The following RHEX variants were observed in gnomAD, a reference collection of about 807,000 sequenced individuals.
RHEX encodes the protein regulator of hemoglobinization and erythroid cell expansion.
A neutral mutation model predicts 20.1 loss-of-function variants in RHEX; 18 were observed. The observed-to-expected ratio is 0.90, with a 90% CI of 0.62 to 1.33. RHEX has a LOEUF of 1.33. RHEX is among the 40% of genes most tolerant of loss of function. The pLI is 0.00. For missense variants in RHEX, 192 were observed against 214.3 expected (o/e 0.90, Z 0.65); for synonymous variants, 87 against 77.1 (o/e 1.13, Z -0.67).
intron 1 of RHEX, among the ~76,000 whole-genome samples, chr1:206,072,950 G>A (rs187350152): frequency 1.4e-5 from 2 of 147,222 alleles, no homozygotes; most frequent in East Asian, 2.1e-4. Context: ...CCCTCACCCC[G>A]CCTCAACCCC....
chr1:206,065,874 G>A (rs567992320), intron 1 of RHEX, among the ~76,000 whole-genome samples: 1 of 152,352 alleles, frequency 6.6e-6, no homozygotes, highest in South Asian at 2.1e-4. Flanking sequence ...AGAAGGCAGT[G>A]GGAACCCAAT....
At chr1:206,056,494 TTTTATGG>T (rs2087619780) in intron 1 of RHEX, 1 of 152,300 alleles carries the variant, frequency 6.6e-6, no homozygotes. Context: ...ATTCCTATTA[TTTTATGG>T]TTATTATAAG....
chr1:206,075,347 A>G (rs1373928486), intron 1 of RHEX, among the ~76,000 whole-genome samples: 2 of 152,240 alleles, frequency 1.3e-5, no homozygotes, highest in African/African-American at 2.4e-5. Flanking sequence ...CATGTATGAA[A>G]AGAGTGGATC....
At position 206,094,169 on chromosome 1, in the gene RHEX, G is replaced by GGTGTGTGTGTGT. The variant is rs66885504; in HGVS notation, c.-96-3545_-96-3534dup. Among the ~76,000 whole-genome samples, 101 of 148,680 alleles carry GGTGTGTGTGTGT rather than the reference G, an allele frequency of 6.8e-4. 1 individual carries two copies. Among genetic ancestry groups the GGTGTGTGTGTGT allele is most frequent in the East Asian group, 5.0e-3 (25 of 5,024 alleles). Reference sequence around the variant, plus strand: ...TAAATTGCCCATTTCCTGGTTATTTGGTGTGTGTGTGTGTGTGTGTGTGTG... The same window carrying GGTGTGTGTGTGT: ...TAAATTGCCCATTTCCTGGTTATTTGGTGTGTGTGTGTGTGTGTGTGTGTGTGTGTGTGTGTG... On this transcript the variant is annotated intron_variant, in intron 1 of 5. Coordinates refer to ENST00000331555, the MANE Select transcript of RHEX (RefSeq NM_001007544.4).
In RHEX at chr1:206,057,319, C is replaced by T. The variant is rs547400453; in HGVS notation, c.-97+4054C>T. 2.6e-5 allele frequency among the ~76,000 whole-genome samples: 4 copies of T among 152,338 alleles called. No individual in the cohort carries two copies. The East Asian group carries it at 7.7e-4, about 29-fold the overall frequency. On this transcript the variant is annotated intron_variant, in intron 1 of 5. Coordinates refer to ENST00000331555, the MANE Select transcript of RHEX (RefSeq NM_001007544.4). ...CTATAGACCCGGTTCCTGATGAATTCCCAGCCCAAAAGAACCACCCTGACA... is the reference window on the plus strand; with the variant it reads ...CTATAGACCCGGTTCCTGATGAATTTCCAGCCCAAAAGAACCACCCTGACA...
chr1:206,066,408 G>C (rs868971128), intron 1 of RHEX, among the ~76,000 whole-genome samples: 3 of 152,232 alleles, frequency 2.0e-5, no homozygotes, highest in Admixed American at 6.5e-5. Flanking sequence ...CTTGAGGCCA[G>C]GAGTTTGAGA....
At chr1:206,064,867 G>T (rs1360032052) in intron 1 of RHEX, among the ~76,000 whole-genome samples, 9 of 151,626 alleles carry the variant, frequency 5.9e-5, no homozygotes, top group Non-Finnish European at 1.2e-4. Flanking sequence ...TTGAGAAATC[G>T]GATGGTTGCC....
intron 1 of RHEX, among the ~76,000 whole-genome samples, chr1:206,096,777 T>G (rs1426667152): frequency 5.1e-5 from 7 of 137,688 alleles, no homozygotes; most frequent in East Asian, 2.3e-4. Flanking sequence ...TTTTTTTTTT[T>G]TTGGTTTTTT....
chr1:206,083,555 C>G (rs1166871382), intron 1 of RHEX: 1 of 985,250 alleles, frequency 1.0e-6, no homozygotes, highest in African/African-American at 1.7e-5. Context: ...GACACAGAAG[C>G]TTCTGGGTAG....
intron 1 of RHEX, among the ~76,000 whole-genome samples, chr1:206,054,335 A>G (rs1571846469): frequency 6.6e-6 from 1 of 152,376 alleles, no homozygotes; most frequent in Admixed American, 6.5e-5. Flanking sequence ...TGTATAATTT[A>G]AAAGTAATAA....
chr1:206,064,625 G>A (rs1384300871), intron 1 of RHEX, among the ~76,000 whole-genome samples: 10 of 144,804 alleles, frequency 6.9e-5, no homozygotes, highest in Admixed American at 4.1e-4. Context: ...CCCTCTGCCC[G>A]GCCGGCCGCC....
chr1:206,059,630 G>A (rs1553283089), intron 1 of RHEX, among the ~76,000 whole-genome samples: 1 of 152,048 alleles, frequency 6.6e-6, no homozygotes, highest in African/African-American at 2.4e-5. Flanking sequence ...AGAGCTTTGG[G>A]TTTGGAGTCA....
At chr1:206,055,764 A>T (rs1356042120) in intron 1 of RHEX, among the ~76,000 whole-genome samples, 1 of 152,268 alleles carries the variant, frequency 6.6e-6, no homozygotes, top group Non-Finnish European at 1.5e-5. Context: ...CTGACCTGAC[A>T]AAACCTTTTA....
rs782069276 is a variant in RHEX, at chr1:206,102,002, A to G, written c.*50A>G. The G allele has an allele frequency of 9.1e-6, 13 of 1,435,772 alleles. No individual in the cohort carries two copies. The African/African-American group carries it at 9.8e-5, about 11-fold the overall frequency. 88.9% of individuals were successfully genotyped at this position (1,435,772 alleles called of 1,614,324 possible). A position where few individuals can be genotyped will look rare whatever the true frequency, so the allele number is the denominator to read the frequency against. On this transcript the variant is annotated 3_prime_UTR_variant, in exon 6 of 6. Transcript: ENST00000331555. ...CAGTTCTCTATGGATTCTTACATTT[A>G]ATTTGTAGGGAAATGCCATTTTTCC... is the stretch of plus-strand genomic sequence containing the variant.
intron 1 of RHEX, among the ~76,000 whole-genome samples, chr1:206,077,770 A>C (rs1662662915): frequency 6.6e-6 from 1 of 152,208 alleles, no homozygotes; most frequent in South Asian, 2.1e-4. Context: ...CAGCTGGTAC[A>C]GGTATTATAG....
chr1:206,076,553 C>A (rs1387973134), intron 1 of RHEX, among the ~76,000 whole-genome samples: 1 of 152,216 alleles, frequency 6.6e-6, no homozygotes. Context: ...ATGACAACTG[C>A]AAGATTTTCT....
At chr1:206,087,798 C>T (rs1022826868) in intron 1 of RHEX, among the ~76,000 whole-genome samples, 1 of 152,158 alleles carries the variant, frequency 6.6e-6, no homozygotes, top group Non-Finnish European at 1.5e-5. Context: ...TTAATAACAA[C>T]GTATTGTATT....
At chr1:206,091,894 C>G (rs544591330) in intron 1 of RHEX, among the ~76,000 whole-genome samples, 1 of 152,234 alleles carries the variant, frequency 6.6e-6, no homozygotes, top group East Asian at 1.9e-4. Context: ...GAGTTTCTGT[C>G]TTCCTGTGCC....
chr1:206,056,444 A>T (rs916830175), intron 1 of RHEX: 1 of 152,306 alleles, frequency 6.6e-6, no homozygotes, highest in Admixed American at 6.5e-5. Context: ...TGTTTCCAGT[A>T]TATACATCAA....
Sources: allele counts gnomAD v4.1 joint callset (sites outside exome capture counted in the v4.1 genomes callset), GRCh38; gene constraint gnomAD v4.1.1; transcripts MANE v1.5; gene names NCBI Gene and HGNC (gene_info 2026-07-23, HGNC 2026-07-21).